The following PDE1C variants were observed in gnomAD, a reference collection of about 807,000 sequenced individuals.
The protein encoded by PDE1C is phosphodiesterase 1C.
PDE1C carries 62 observed loss-of-function variants against 93.1 expected under a neutral mutation model. The ratio of observed to expected loss-of-function variants is 0.67; its 90% confidence interval spans 0.54 to 0.82. The LOEUF (loss-of-function observed/expected upper bound fraction) is 0.82. Ranked by LOEUF, PDE1C falls within the 40% of genes least tolerant of loss-of-function variation. The pLI is 0.00. For missense variants in PDE1C, 742 were observed against 884.6 expected (o/e 0.84, Z 2.04); for synonymous variants, 325 against 310.1 (o/e 1.05, Z -0.50).
chr7:32,210,868 G>A (rs1805971615), intron 1 of PDE1C, among the ~76,000 whole-genome samples: 3 of 152,202 alleles, frequency 2.0e-5, no homozygotes, highest in East Asian at 1.9e-4. Context: ...CCAGCAGGGG[G>A]AGGCAATAAT....
intron 2 of PDE1C, among the ~76,000 whole-genome samples, chr7:32,008,721 C>T (rs934743531): frequency 6.6e-6 from 1 of 152,116 alleles, no homozygotes; most frequent in South Asian, 2.1e-4. Flanking sequence ...ATACGCACAT[C>T]TGCACTGTTA....
chr7:32,261,693 AT>A (rs1489550192), intron 1 of PDE1C, among the ~76,000 whole-genome samples: 1 of 152,290 alleles, frequency 6.6e-6, no homozygotes, highest in Non-Finnish European at 1.5e-5. Flanking sequence ...GTCAACTTTG[AT>A]TTTTACATTG....
intron 3 of PDE1C, among the ~76,000 whole-genome samples, chr7:32,095,776 C>T (rs1797718119): frequency 6.6e-6 from 1 of 152,144 alleles, no homozygotes. Context: ...ATTGACTATC[C>T]TTACGCGATG....
At chr7:31,868,798 A>G (rs1195075151) in intron 6 of PDE1C, among the ~76,000 whole-genome samples, 1 of 152,114 alleles carries the variant, frequency 6.6e-6, no homozygotes, top group Non-Finnish European at 1.5e-5. Flanking sequence ...AGAGAAAAAC[A>G]TGTAGTCACT....
chr7:31,934,023 C>A (rs1024236301), intron 2 of PDE1C, among the ~76,000 whole-genome samples: 1 of 152,118 alleles, frequency 6.6e-6, no homozygotes, highest in African/African-American at 2.4e-5. Flanking sequence ...TTTGAACATG[C>A]GCTATTCCAC....
chr7:31,923,593 A>AT (rs544535717), intron 2 of PDE1C, among the ~76,000 whole-genome samples: 6 of 152,156 alleles, frequency 3.9e-5, no homozygotes, highest in East Asian at 1.9e-4. Flanking sequence ...AATTGGAAAT[A>AT]TTTTTTGTCA....
intron 17 of PDE1C, among the ~76,000 whole-genome samples, chr7:31,755,585 A>G (rs1003980490): frequency 1.3e-5 from 2 of 152,176 alleles, no homozygotes; most frequent in Admixed American, 1.3e-4. Flanking sequence ...AAAAAACAAA[A>G]CAAAACAAAA....
chr7:31,935,956 T>C (rs1182197160), intron 2 of PDE1C, among the ~76,000 whole-genome samples: 1 of 151,990 alleles, frequency 6.6e-6, no homozygotes, highest in Non-Finnish European at 1.5e-5. Flanking sequence ...TACATTTTGA[T>C]AAAGGGAGGA....
chr7:31,793,750 G>C (rs1001146329), intron 16 of PDE1C, among the ~76,000 whole-genome samples: 1 of 151,220 alleles, frequency 6.6e-6, no homozygotes, highest in African/African-American at 2.4e-5. Flanking sequence ...CTTTATCCAG[G>C]TATGGACTTA....
At chr7:31,695,729 G>C in the PDE1C span, 3 of 1,120,286 alleles carry the variant, frequency 2.7e-6, no homozygotes, top group South Asian at 4.8e-5. Flanking sequence ...AAAGTAATTT[G>C]TGCACTCCCC....
intron 3 of PDE1C, among the ~76,000 whole-genome samples, chr7:32,119,174 C>T (rs184818031): frequency 2.0e-5 from 3 of 152,200 alleles, no homozygotes; most frequent in Non-Finnish European, 2.9e-5. Context: ...GCTCAAATTC[C>T]AAGTCTACCA....
intron 3 of PDE1C, among the ~76,000 whole-genome samples, chr7:32,147,297 A>AAAGAAAGAAAGAAAGAAAGAAAGAAAG (rs1563352731): frequency 7.2e-6 from 1 of 138,558 alleles, no homozygotes; most frequent in African/African-American, 2.9e-5. Flanking sequence ...AGAAAGAAAG[A>AAAGAAAGAAAGAAAGAAAGAAAGAAAG]AAGAAAGAAA....
At chr7:32,020,618 AC>A (rs1296185790) in intron 2 of PDE1C, among the ~76,000 whole-genome samples, 1 of 152,094 alleles carries the variant, frequency 6.6e-6, no homozygotes, top group Non-Finnish European at 1.5e-5. Flanking sequence ...GGGAGTAAAA[AC>A]ATTTAGTGTA....
intron 2 of PDE1C, among the ~76,000 whole-genome samples, chr7:31,956,346 C>T (rs1808139060): frequency 6.6e-6 from 1 of 152,050 alleles, no homozygotes; most frequent in South Asian, 2.1e-4. Flanking sequence ...CCTGCCAGGG[C>T]CTCCCAAAGT....
the PDE1C span, among the ~76,000 whole-genome samples, chr7:31,633,393 C>A: frequency 1.3e-5 from 2 of 152,146 alleles, no homozygotes; most frequent in African/African-American, 2.4e-5. Context: ...TTGCTTGTCA[C>A]CAAAAGTGAG....
intron 2 of PDE1C, among the ~76,000 whole-genome samples, chr7:32,015,535 C>G (rs74911653): frequency 0.034 from 5,210 of 152,194 alleles, 303 homozygotes; most frequent in African/African-American, 0.12. Flanking sequence ...CCCCCCACCC[C>G]ACCCACCACC....
chr7:31,850,223 G>T (rs1793162428), intron 8 of PDE1C, among the ~76,000 whole-genome samples: 1 of 152,064 alleles, frequency 6.6e-6, no homozygotes, highest in African/African-American at 2.4e-5. Flanking sequence ...GAATCTCAGA[G>T]ATCAGAGGGT....
chr7:32,147,292 G>C (rs181728265), intron 3 of PDE1C, among the ~76,000 whole-genome samples: 1 of 130,178 alleles, frequency 7.7e-6, no homozygotes. Flanking sequence ...AAGAAAGAAA[G>C]AAAGAAAGAA....
chr7:32,410,843 A>T (rs1785155374), intron 1 of PDE1C, among the ~76,000 whole-genome samples: 1 of 152,130 alleles, frequency 6.6e-6, no homozygotes. Context: ...CTTCAGGCCC[A>T]CAAGTGTGAT....
Sources: allele counts gnomAD v4.1 joint callset (sites outside exome capture counted in the v4.1 genomes callset), GRCh38; gene constraint gnomAD v4.1.1; transcripts MANE v1.5; gene names NCBI Gene and HGNC (gene_info 2026-07-23, HGNC 2026-07-21).